SDK2: variants seen among roughly 807,000 people sequenced by gnomAD.
SDK2 encodes the protein protein sidekick-2.
Under a neutral mutation model 253.9 loss-of-function variants are expected in SDK2, and 105 were observed. That is an observed-to-expected ratio of 0.41 (90% CI 0.35 to 0.49). The LOEUF (loss-of-function observed/expected upper bound fraction) is 0.49. Among genes scored for constraint, SDK2 ranks in the 20% least tolerant of loss-of-function variants. SDK2 has a pLI of 0.06. For synonymous variants in SDK2, 1,249 were observed against 1,234.9 expected (o/e 1.01, Z -0.24); for missense variants, 2,608 against 3,003.0 (o/e 0.87, Z 3.07).
intron 1 of SDK2, among the ~76,000 whole-genome samples, chr17:73,602,667 C>A (rs1017629269): frequency 2.0e-5 from 3 of 152,008 alleles, no homozygotes. Context: ...CGGGTCTGGG[C>A]ACTGTCCTTA....
At chr17:73,568,845 C>G (rs1035461424) in intron 1 of SDK2, among the ~76,000 whole-genome samples, 1 of 152,130 alleles carries the variant, frequency 6.6e-6, no homozygotes, top group Non-Finnish European at 1.5e-5. Flanking sequence ...ATCTTCAAAC[C>G]GCTGGACAGC....
At chr17:73,565,078 C>T (rs1351862344) in intron 1 of SDK2, among the ~76,000 whole-genome samples, 1 of 152,214 alleles carries the variant, frequency 6.6e-6, no homozygotes, top group Non-Finnish European at 1.5e-5. Flanking sequence ...CAGGCTCTAG[C>T]TCCTGCCAAG....
At chr17:73,377,927 T>C (rs1289073661) in intron 36 of SDK2, among the ~76,000 whole-genome samples, 1 of 151,698 alleles carries the variant, frequency 6.6e-6, no homozygotes, top group African/African-American at 2.4e-5. Context: ...GCTGTTTTTG[T>C]GATCTTACCA....
intron 36 of SDK2, among the ~76,000 whole-genome samples, chr17:73,374,474 T>A (rs1236668763): frequency 7.0e-6 from 1 of 142,674 alleles, no homozygotes; most frequent in Non-Finnish European, 1.5e-5. Context: ...GTCGGTAATT[T>A]TTTTTTTTTT....
intron 1 of SDK2, chr17:73,519,156 G>A (rs1258821970): frequency 6.6e-6 from 1 of 152,256 alleles, no homozygotes; most frequent in Non-Finnish European, 1.5e-5. Context: ...CTTGGTCAGC[G>A]ATGGTGCCAC....
rs543675201 is a variant in SDK2, at chr17:73,344,409, C to T, written c.6165+4190G>A. ...GGCCTCTTTCCTTCAATCTCCTCTC[C>T]GTGCTGGGCAGCTGCACGAGGCCAG... On this transcript the variant is annotated intron_variant, in intron 44 of 44. Transcript: ENST00000392650. 1.6e-4 allele frequency among the ~76,000 whole-genome samples: 25 copies of T among 152,280 alleles called. No individual in the cohort carries two copies. The South Asian group carries it at 1.7e-3, about 10-fold the overall frequency.
rs1249711462 is a variant in SDK2, at chr17:73,644,067, T to A, written c.22A>T (p.Thr8Ser). 2 of 1,550,042 alleles carry A rather than the reference T, an allele frequency of 1.3e-6. No individual in the cohort carries two copies. Among genetic ancestry groups the A allele is most frequent in the African/African-American group, 1.4e-5 (1 of 72,952 alleles). The change falls in exon 1 of 45, where the codon ACA (threonine) becomes TCA (serine). Residue 8 changes from threonine (T) to serine (S), a missense_variant. This residue lies in a region of SDK2 where 1,505 missense variants were observed against 1,859.1 expected (regional missense o/e 0.81). Transcript: ENST00000392650. This position sits in a 1 kb window ranked among gnomAD's most constrained non-coding sequence, Gnocchi z 6.3. The part of the protein sequence containing the change: MWGLLIW[T>S]LLALHQIRAA... ...CGGATCTGATGCAGAGCTAGCAGTG[T>A]CCAGATCAAAAGCCCCCACATGGTG...
intron 44 of SDK2, among the ~76,000 whole-genome samples, chr17:73,339,223 G>GT (rs1345324501): frequency 9.1e-6 from 1 of 110,470 alleles, no homozygotes; most frequent in African/African-American, 2.9e-5. Context: ...GTTTTTTTTT[G>GT]TTTTTGTTTT....
At chr17:73,357,892 C>G (rs2062605387) in intron 40 of SDK2, 187 bp downstream of exon 40, 1 of 875,630 alleles carries the variant, frequency 1.1e-6, no homozygotes, top group East Asian at 2.5e-5. Flanking sequence ...GGTTACTTAG[C>G]TAGGAGTCCA....
In SDK2 at chr17:73,338,328, A is replaced by C; in HGVS notation, c.*259T>G. ...ATAGCAGTGACACAGCCACTTCCCC[A>C]GCTCCGTGTAATTCCCAAGGGAGCA... On this transcript the variant is annotated 3_prime_UTR_variant, in exon 45 of 45. Transcript: ENST00000392650. The surrounding 1 kb of genome is among the most constrained non-coding windows in gnomAD (Gnocchi z 5.0). 1.6e-6 allele frequency: 1 copy of C among 628,422 alleles called. No individual in the cohort carries two copies. Among genetic ancestry groups the C allele is most frequent in the Non-Finnish European group, 3.0e-6 (1 of 338,284 alleles). 38.9% of individuals were successfully genotyped at this position (628,422 alleles called of 1,614,324 possible). A position where few individuals can be genotyped will look rare whatever the true frequency, so the allele number is the denominator to read the frequency against.
At chr17:73,390,579 T>C (rs2145496572) in intron 28 of SDK2, 98 bp from the exon 29 acceptor site, 2 of 1,241,824 alleles carry the variant, frequency 1.6e-6, no homozygotes, top group Non-Finnish European at 2.2e-6. Flanking sequence ...GCTGTGTCTG[T>C]ACATGGCCAC....
rs2062958738 is a variant in SDK2, at chr17:73,395,044, A to G, written c.3592+111T>C. On this transcript the variant is annotated intron_variant, in intron 25 of 44. Coordinates refer to ENST00000392650, the MANE Select transcript of SDK2 (RefSeq NM_001144952.2). The surrounding 1 kb of genome is among the most constrained non-coding windows in gnomAD (Gnocchi z 4.3). ...GAGCATAAGCAGAGGAAATGAGCTC[A>G]GGCTGTTTTTGAACAACACCTTCAG... The G allele has an allele frequency of 2.6e-6, 2 of 771,652 alleles. No homozygotes were observed. The highest frequency in any genetic ancestry group is 5.4e-5 in the East Asian group (2 of 37,192). 47.8% of individuals were successfully genotyped at this position (771,652 alleles called of 1,614,324 possible).
chr17:73,399,337 C>T (rs564797447), intron 21 of SDK2, 48 bp from the exon 22 acceptor site: 5 of 1,609,166 alleles, frequency 3.1e-6, no homozygotes, highest in Non-Finnish European at 4.2e-6. Context: ...GAGAATGGCC[C>T]CCCATGTTGA....
rs537235342 is a variant in SDK2, at chr17:73,375,266, C to CTG, written c.4980+3910_4980+3911insCA. 1.9e-5 allele frequency among the ~76,000 whole-genome samples: 2 copies of CTG among 104,386 alleles called. 1 individual carries two copies. Among genetic ancestry groups the CTG allele is most frequent in the Non-Finnish European group, 3.5e-5 (2 of 57,236 alleles). 68.5% of individuals were successfully genotyped at this position (104,386 alleles called of 152,430 possible). A position where few individuals can be genotyped will look rare whatever the true frequency, so the allele number is the denominator to read the frequency against. ...TTTTTTTTTTTTTTTTTTTTTGAGA[C>CTG]AGTCTTGATCTGTTGCCCAGGCTGG... On this transcript the variant is annotated intron_variant, in intron 36 of 44. Coordinates refer to ENST00000392650, the MANE Select transcript of SDK2 (RefSeq NM_001144952.2).
intron 13 of SDK2, 117 bp from the exon 14 acceptor site, chr17:73,423,639 A>G (rs1599552723): frequency 8.0e-7 from 1 of 1,243,724 alleles, no homozygotes; most frequent in Non-Finnish European, 1.1e-6. Flanking sequence ...GCTTAGACGT[A>G]AAATGTGGCC....
chr17:73,391,606 G>A (rs1485559929), intron 27 of SDK2, 68 bp from the exon 28 acceptor site: 15 of 835,730 alleles, frequency 1.8e-5, no homozygotes, highest in South Asian at 6.1e-5. Context: ...AGCCCAGCTC[G>A]GGCAGAGCAG....
At chr17:73,357,954 CT>C in intron 40 of SDK2, 124 bp downstream of exon 40, 1 of 1,430,064 alleles carries the variant, frequency 7.0e-7, no homozygotes, top group Non-Finnish European at 9.7e-7. Context: ...GGCCAGGTGA[CT>C]TCACCTGTAG....
chr17:73,357,718 C>A, intron 40 of SDK2: 1 of 337,778 alleles, frequency 3.0e-6, no homozygotes, highest in Non-Finnish European at 5.5e-6. Context: ...CGAGAGGCAG[C>A]CAGGGTCTTC....
At chr17:73,389,635 C>T (rs775285818) in intron 29 of SDK2, among the ~76,000 whole-genome samples, 9 of 152,216 alleles carry the variant, frequency 5.9e-5, no homozygotes, top group African/African-American at 9.6e-5. Flanking sequence ...CTCAGGGCAG[C>T]AGTGCAGTGG....
Sources: gnomAD v4.1 joint callset for allele counts (sites outside exome capture counted in the v4.1 genomes callset) on GRCh38, gnomAD v4.1.1 for gene constraint, gnomAD v4.1.1 regional missense constraint, Gnocchi (gnomAD v3.1) non-coding constraint, MANE v1.5 for transcripts, NCBI Gene and HGNC (gene_info 2026-07-23, HGNC 2026-07-21) for gene names.